BMPR1A: variants seen among roughly 807,000 people sequenced by gnomAD.
BMPR1A encodes bone morphogenetic protein receptor type-1A.
A neutral mutation model predicts 66.0 loss-of-function variants in BMPR1A; 7 were observed. The ratio of observed to expected loss-of-function variants is 0.11; its 90% CI spans 0.06 to 0.20. The LOEUF (loss-of-function observed/expected upper bound fraction) is 0.20, where lower values mean the gene tolerates loss of function less well. Ranked by LOEUF, BMPR1A falls within the 10% of genes least tolerant of loss-of-function variation. The pLI is 1.00. For missense variants in BMPR1A, 408 were observed against 669.1 expected, an observed-to-expected ratio of 0.61 and a Z score of 4.31; for synonymous variants, 200 against 229.7, an observed-to-expected ratio of 0.87 and a Z score of 1.17.
At chr10:86,809,166 CAT>C (rs774672081) in intron 1 of BMPR1A, among the ~76,000 whole-genome samples, 144 of 152,230 alleles carry the variant, frequency 9.5e-4, no homozygotes, top group Non-Finnish European at 1.4e-3. Context: ...ATATGCATAA[CAT>C]AAAATTTACC....
chr10:86,930,380 A>G (rs1720478952), downstream of BMPR1A: 1 of 152,088 alleles, frequency 6.6e-6, no homozygotes. Flanking sequence ...CCCGGGTTAA[A>G]GCAATTCTCC....
At chr10:86,798,306 A>G (rs1357573892) in intron 1 of BMPR1A, among the ~76,000 whole-genome samples, 2 of 152,168 alleles carry the variant, frequency 1.3e-5, no homozygotes. Flanking sequence ...TAAAAAACTA[A>G]TACTAAGTTT....
At chr10:86,761,497 A>T (rs1274958519) in intron 1 of BMPR1A, among the ~76,000 whole-genome samples, 1 of 152,222 alleles carries the variant, frequency 6.6e-6, no homozygotes, top group African/African-American at 2.4e-5. Flanking sequence ...CATGTTGGAA[A>T]ATCATTTTGA....
At chr10:86,787,668 T>G (rs745730948) in intron 1 of BMPR1A, among the ~76,000 whole-genome samples, 1 of 152,162 alleles carries the variant, frequency 6.6e-6, no homozygotes, top group Non-Finnish European at 1.5e-5. Flanking sequence ...CTGGGTAGTT[T>G]ATAAAGAAAA....
chr10:86,789,640 A>C (rs546089199), intron 1 of BMPR1A, among the ~76,000 whole-genome samples: 9 of 151,740 alleles, frequency 5.9e-5, no homozygotes, highest in African/African-American at 2.2e-4. Context: ...TTGAACCTGG[A>C]AGGCAGAGGT....
chr10:86,861,551 A>G (rs990872621), intron 2 of BMPR1A, among the ~76,000 whole-genome samples: 11 of 152,254 alleles, frequency 7.2e-5, no homozygotes, highest in African/African-American at 2.7e-4. Flanking sequence ...TTGTCAGACC[A>G]CATTGTTTGT....
In BMPR1A at chr10:86,756,812, G is replaced by T. The variant is rs1271877180; in HGVS notation, c.-375G>T. ...ATCGAGGGGCGACCGGGTCGGGGCC[G>T]CTGCACGCCAAGGGCGAAGGCCGAT... On this transcript the variant is annotated 5_prime_UTR_variant, in exon 1 of 13. Transcript: ENST00000372037. 1 of 151,478 alleles carries T rather than the reference G, an allele frequency of 6.6e-6. No homozygotes were observed. The highest frequency in any genetic ancestry group is 1.5e-5 in the Non-Finnish European group (1 of 67,782). 9.4% of individuals were successfully genotyped at this position (151,478 alleles called of 1,614,324 possible). A position where few individuals can be genotyped will look rare whatever the true frequency, so the allele number is the denominator to read the frequency against.
At chr10:86,867,839 T>C (rs1430597608) in intron 2 of BMPR1A, among the ~76,000 whole-genome samples, 4 of 152,148 alleles carry the variant, frequency 2.6e-5, no homozygotes, top group African/African-American at 9.7e-5. Flanking sequence ...CTGGAAGAGT[T>C]TATACTTGTG....
chr10:86,920,438 CT>C (rs1449285900), intron 10 of BMPR1A, among the ~76,000 whole-genome samples: 7 of 152,258 alleles, frequency 4.6e-5, no homozygotes, highest in Middle Eastern at 3.4e-3. Flanking sequence ...CCATTTTAAT[CT>C]TGTAATTCTA....
intron 2 of BMPR1A, among the ~76,000 whole-genome samples, chr10:86,865,506 CTT>C (rs1380015771): frequency 6.6e-6 from 1 of 152,194 alleles, no homozygotes; most frequent in Non-Finnish European, 1.5e-5. Flanking sequence ...CGCTGACTCT[CTT>C]TTAGGACTCA....
rs1230919713 is a variant in BMPR1A, at chr10:86,917,292, C to T, written c.834C>T (p.Tyr278=). The T allele has an allele frequency of 6.2e-7, 1 of 1,614,078 alleles. No individual in the cohort carries two copies. Among genetic ancestry groups the T allele is most frequent in the Admixed American group, 1.7e-5 (1 of 59,984 alleles). ...GCTGGTTTCGAGAAACAGAAATCTA[C>T]CAAACTGTGCTAATGCGCCATGAAA... ...EASWFRETEI[Y]QTVLMRHENI... The change falls in exon 9 of 13, where the codon TAC becomes TAT. Residue 278 remains tyrosine (Y), a synonymous_variant. Coordinates refer to ENST00000372037, the MANE Select transcript of BMPR1A (RefSeq NM_004329.3).
Position 86,812,987 on chromosome 10 carries a change from C to T in BMPR1A, c.-267-25878C>T, listed in dbSNP as rs186297152. ...CCTATTTATCGCTCCCTCCTCTCAA[C>T]CCCTGGCACTGATCTTTTTACTGTC... On this transcript the variant is annotated intron_variant, in intron 1 of 12. Coordinates refer to ENST00000372037, the MANE Select transcript of BMPR1A (RefSeq NM_004329.3). Among the ~76,000 whole-genome samples the T allele has an allele frequency of 9.8e-5, 15 of 152,306 alleles. No individual in the cohort carries two copies. The East Asian group carries it at 2.5e-3, about 25-fold the overall frequency.
At chr10:86,857,464 C>T (rs977894429) in intron 2 of BMPR1A, among the ~76,000 whole-genome samples, 4 of 152,140 alleles carry the variant, frequency 2.6e-5, no homozygotes, top group South Asian at 4.1e-4. Flanking sequence ...ATTATCATTG[C>T]TGCATAACAG....
chr10:86,835,603 G>C (rs1244344127), intron 1 of BMPR1A, among the ~76,000 whole-genome samples: 3 of 105,590 alleles, frequency 2.8e-5, no homozygotes, highest in Non-Finnish European at 5.8e-5. Flanking sequence ...TTTTGGCCTA[G>C]ATTGAGTAAA....
intron 2 of BMPR1A, among the ~76,000 whole-genome samples, chr10:86,852,799 A>C (rs1842589243): frequency 6.6e-6 from 1 of 152,180 alleles, no homozygotes. Flanking sequence ...TATCTCATTT[A>C]ATCTTCACAA....
At chr10:86,836,673 C>T (rs937300693) in intron 1 of BMPR1A, among the ~76,000 whole-genome samples, 1 of 152,168 alleles carries the variant, frequency 6.6e-6, no homozygotes, top group African/African-American at 2.4e-5. Flanking sequence ...TAGTGTTCGC[C>T]TGTAGTCCCA....
chr10:86,888,665 A>G (rs892090413), intron 3 of BMPR1A, among the ~76,000 whole-genome samples: 5 of 151,842 alleles, frequency 3.3e-5, no homozygotes, highest in African/African-American at 1.2e-4. Flanking sequence ...TGTCCCTACA[A>G]AGAATTTAAA....
At chr10:86,882,352 G>A (rs546762197) in intron 3 of BMPR1A, among the ~76,000 whole-genome samples, 1 of 152,180 alleles carries the variant, frequency 6.6e-6, no homozygotes, top group African/African-American at 2.4e-5. Flanking sequence ...GAACCAGGGA[G>A]GTGGAGGTTG....
At chr10:86,915,440 G>T (rs775471727) in intron 8 of BMPR1A, among the ~76,000 whole-genome samples, 3 of 151,948 alleles carry the variant, frequency 2.0e-5, no homozygotes, top group African/African-American at 7.2e-5. Context: ...TCTCAAAAAG[G>T]GTACATTTTA....
Sources: allele counts gnomAD v4.1 joint callset (sites outside exome capture counted in the v4.1 genomes callset), GRCh38; gene constraint gnomAD v4.1.1; transcripts MANE v1.5; gene names NCBI Gene and HGNC (gene_info 2026-07-23, HGNC 2026-07-21).